Variants in ANPEP observed in about 807,000 individuals in gnomAD.
ANPEP encodes aminopeptidase N.
ANPEP carries 70 observed loss-of-function variants against 114.6 expected under a neutral mutation model. That is an observed-to-expected ratio of 0.61 (90% CI 0.50 to 0.75). The LOEUF (loss-of-function observed/expected upper bound fraction) is 0.75. ANPEP is among the 30% of genes least tolerant of loss of function. ANPEP has a pLI of 0.00. For missense variants in ANPEP, 1,184 were observed against 1,259.5 expected (o/e 0.94, Z 0.91); for synonymous variants, 548 against 522.3 (o/e 1.05, Z -0.67).
intron 14 of ANPEP, among the ~76,000 whole-genome samples, chr15:89,798,973 C>T (rs969767201): frequency 6.7e-6 from 1 of 148,848 alleles, no homozygotes; most frequent in Admixed American, 6.7e-5. Context: ...CAAACAAAAA[C>T]AAAAACAAAA....
intron 18 of ANPEP, among the ~76,000 whole-genome samples, chr15:89,791,672 C>G (rs970793290): frequency 1.3e-5 from 2 of 149,876 alleles, no homozygotes; most frequent in African/African-American, 2.5e-5. Context: ...AGGCTGGTCT[C>G]GAACTCCTGA....
chr15:89,806,271 C>T lies in ANPEP; in HGVS notation c.313G>A (p.Gly105Ser). 1 of 1,614,124 alleles carries T rather than the reference C, an allele frequency of 6.2e-7. No homozygotes were observed. The highest frequency in any genetic ancestry group is 8.5e-7 in the Non-Finnish European group (1 of 1,180,034). The change falls in exon 2 of 21, where the codon GGC becomes AGC. Residue 105 changes from glycine (G) to serine (S), a missense_variant. Physicochemically the swap from Gly to Ser is moderately conservative, Grantham distance 56. Transcript: ENST00000300060. The surrounding 1 kb of genome is among the most constrained non-coding windows in gnomAD (Gnocchi z 5.7). Reference protein sequence around the residue: ...PNDRGLYVFKGSSTVRFTCKE... With the variant: ...PNDRGLYVFKSSSTVRFTCKE... ...CAGGTGAAACGGACGGTGCTGGAGC[C>T]CTTAAAAACGTACAGGCCCCTGTCA... is the stretch of plus-strand genomic sequence containing the variant.
intron 1 of ANPEP, among the ~76,000 whole-genome samples, chr15:89,811,371 G>T (rs1334200365): frequency 6.6e-6 from 1 of 152,128 alleles, no homozygotes; most frequent in East Asian, 1.9e-4. Flanking sequence ...CCTGGGCCGG[G>T]CGTGTTGGCT....
chr15:89,793,213 C>T (rs1357030746), intron 15 of ANPEP, 87 bp from the exon 16 acceptor site: 22 of 1,226,924 alleles, frequency 1.8e-5, no homozygotes, highest in South Asian at 1.0e-4. Flanking sequence ...GGGGGGCAGG[C>T]GCTGGCAGAG....
rs748966556 is a variant in ANPEP, at chr15:89,806,548, GC to G, written c.35del (p.Gly12AlafsTer69). The G allele has an allele frequency of 6.2e-7, 1 of 1,611,420 alleles. No homozygotes were observed. The highest frequency in any genetic ancestry group is 8.5e-7 in the Non-Finnish European group (1 of 1,178,022). ...CCACGCCCAGGAGGATCCCCAGGAT[GC>G]CCAGGGACTTGGAAATATAGAAGCC... ...AKGFYISKSL[G>X]ILGILLGVAA... On this transcript the variant is annotated frameshift_variant, in exon 2 of 21. Transcript: ENST00000300060. LOFTEE classifies it high-confidence loss of function. This position sits in a 1 kb window ranked among gnomAD's most constrained non-coding sequence, Gnocchi z 5.7.
At chr15:89,785,543 A>AAC (rs10643405) in intron 20 of ANPEP, 42 bp from the exon 21 acceptor site, 910,929 of 1,611,150 alleles carry the variant, frequency 0.57, 267,090 homozygotes, top group African/African-American at 0.89. Flanking sequence ...CTGGGTCCCT[A>AAC]ACAGCCTTGA....
rs760934157 is a variant in ANPEP at position 89,790,950 on chromosome 15, C to T, written c.2669+3G>A. 1 of 1,613,820 alleles carries T rather than the reference C, an allele frequency of 6.2e-7. No homozygotes were observed. The highest frequency in any genetic ancestry group is 1.1e-5 in the South Asian group (1 of 91,018). On this transcript the variant is annotated splice_donor_region_variant and intron_variant, in intron 19 of 20. Transcript: ENST00000300060. Reference sequence around the variant, plus strand: ...GTCCCTGACACCCATTCCACAGACTCACTCGTTAAAAAGCTTCTTCCAGTT... The same window carrying T: ...GTCCCTGACACCCATTCCACAGACTTACTCGTTAAAAAGCTTCTTCCAGTT...
At chr15:89,797,447 T>C in intron 15 of ANPEP, 128 bp downstream of exon 15, 1 of 1,360,682 alleles carries the variant, frequency 7.3e-7, no homozygotes, top group Non-Finnish European at 9.8e-7. Context: ...TTTTTTTTGG[T>C]TTTTTGTTTT....
chr15:89,812,962 T>C (rs1351206906), intron 1 of ANPEP, among the ~76,000 whole-genome samples: 2 of 151,930 alleles, frequency 1.3e-5, no homozygotes, highest in African/African-American at 4.8e-5. Flanking sequence ...AAGTAGAACT[T>C]GTTAGCCAGG....
intron 20 of ANPEP, among the ~76,000 whole-genome samples, chr15:89,789,762 C>G (rs1345986100): frequency 1.6e-5 from 2 of 127,456 alleles, no homozygotes; most frequent in African/African-American, 6.7e-5. Flanking sequence ...CATGACAGAG[C>G]GAGACTCAGT....
Position 89,803,985 on chromosome 15 carries a change from C to A in ANPEP, c.1197G>T (p.Val399=). ...ACAGGTCATTCCACCACTCTATGGT[C>A]ACCAGGTTCCCGAACCACTGTGGGG... The part of the protein sequence containing the change: ...ELAHQWFGNL[V]TIEWWNDLWL... The change falls in exon 7 of 21, where the codon GTG becomes GTT. Residue 399 remains valine, a synonymous_variant. Transcript: ENST00000300060. This position sits in a 1 kb window ranked among gnomAD's most constrained non-coding sequence, Gnocchi z 4.2. 6.2e-7 allele frequency: 1 copy of A among 1,613,968 alleles called. No homozygotes were observed. Among genetic ancestry groups the A allele is most frequent in the South Asian group, 1.1e-5 (1 of 91,034 alleles).
In ANPEP at chr15:89,801,207, G is replaced by A; in HGVS notation, c.1743-20C>T. 6.2e-7 allele frequency: 1 copy of A among 1,613,566 alleles called. No homozygotes were observed. Among genetic ancestry groups the A allele is most frequent in the Non-Finnish European group, 8.5e-7 (1 of 1,179,670 alleles). ...ACGTAGCTGCAATTAAAGATCCAGA[G>A]GTGGTGAGAGATGGCGGTGTGGTCA... On this transcript the variant is annotated intron_variant, in intron 11 of 20. Transcript: ENST00000300060.
intron 20 of ANPEP, among the ~76,000 whole-genome samples, chr15:89,790,202 TTGAA>T: frequency 6.6e-6 from 1 of 152,254 alleles, no homozygotes; most frequent in Non-Finnish European, 1.5e-5. Context: ...TTGATAATTG[TTGAA>T]CCTGGGTAAC....
At chr15:89,793,963 G>C (rs1339005849) in intron 15 of ANPEP, among the ~76,000 whole-genome samples, 2 of 152,134 alleles carry the variant, frequency 1.3e-5, no homozygotes, top group African/African-American at 4.8e-5. Context: ...TGACATGGCA[G>C]GTTGATTTCT....
At chr15:89,797,446 GTTTT>G (rs1313092205) in intron 15 of ANPEP, 125 bp downstream of exon 15, 41 of 1,350,400 alleles carry the variant, frequency 3.0e-5, no homozygotes, top group Non-Finnish European at 4.0e-5. Context: ...TTTTTTTTTG[GTTTT>G]TTGTTTTGCT....
chr15:89,792,982 C>T, intron 16 of ANPEP, 53 bp downstream of exon 16: 1 of 1,494,362 alleles, frequency 6.7e-7, no homozygotes, highest in Non-Finnish European at 9.3e-7. Context: ...GGATGTTGCT[C>T]TTGACTCCCC....
intron 1 of ANPEP, among the ~76,000 whole-genome samples, chr15:89,813,884 C>G (rs550354267): frequency 1.3e-4 from 19 of 151,984 alleles, no homozygotes; most frequent in African/African-American, 2.9e-4. Flanking sequence ...CCCCCGAACA[C>G]GGCCTGGTGG....
At position 89,813,996 on chromosome 15, in the gene ANPEP, G is replaced by GGC. The variant is rs576314023; in HGVS notation, c.-224+775_-224+776insGC. 4.8e-5 allele frequency among the ~76,000 whole-genome samples: 7 copies of GGC among 145,060 alleles called. 2 individuals are homozygous for GGC. The highest frequency in any genetic ancestry group is 1.8e-4 in the African/African-American group (7 of 39,408). The stretch of plus-strand genomic sequence containing the variant: ...GTCCCTGCCCACCGCACTGCTGGGG[G>GGC]GGGGGGGTGCGTTCTGGAGTCATTT... On this transcript the variant is annotated intron_variant, in intron 1 of 20. Coordinates refer to ENST00000300060, the MANE Select transcript of ANPEP (RefSeq NM_001150.3).
chr15:89,785,994 G>A (rs1968500445), intron 20 of ANPEP, among the ~76,000 whole-genome samples: 8 of 152,170 alleles, frequency 5.3e-5, no homozygotes, highest in Admixed American at 5.2e-4. Context: ...TGTATGACAT[G>A]TTTGCATACA....
Sources: gnomAD v4.1 joint callset for allele counts (sites outside exome capture counted in the v4.1 genomes callset) on GRCh38, gnomAD v4.1.1 for gene constraint, Gnocchi (gnomAD v3.1) non-coding constraint, MANE v1.5 for transcripts, NCBI Gene and HGNC (gene_info 2026-07-23, HGNC 2026-07-21) for gene names.